SNRPN: variants seen among roughly 807,000 people sequenced by gnomAD.
SNRPN encodes the protein small nuclear ribonucleoprotein-associated protein N.
In SNRPN, 7 loss-of-function variants were observed where a neutral mutation model predicts 25.2. The observed-to-expected ratio is 0.28, with a 90% CI of 0.16 to 0.52. SNRPN has a LOEUF of 0.52. Ranked by LOEUF, SNRPN falls within the 20% of genes least tolerant of loss-of-function variation. SNRPN has a pLI of 0.96. For synonymous variants in SNRPN, 124 were observed against 110.6 expected (o/e 1.12, Z -0.76); for missense variants, 196 against 322.5 (o/e 0.61, Z 3.00).
intron 3 of SNRPN, among the ~76,000 whole-genome samples, chr15:24,932,011 G>A (rs1487724384): frequency 6.6e-6 from 1 of 151,954 alleles, no homozygotes; most frequent in Non-Finnish European, 1.5e-5. Flanking sequence ...TTGCTAACTG[G>A]TGCTGTTTGA....
chr15:24,860,034 A>G (rs190382583), intron 1 of SNRPN, among the ~76,000 whole-genome samples: 11 of 152,124 alleles, frequency 7.2e-5, no homozygotes, highest in Non-Finnish European at 1.0e-4. Flanking sequence ...AAATGCCTTA[A>G]CCATCTGGGA....
chr15:24,844,930 A>G (rs78704855), intron 2 of SNRPN, among the ~76,000 whole-genome samples: 4,567 of 152,300 alleles, frequency 0.03, 185 homozygotes, highest in African/African-American at 0.095. Flanking sequence ...TAGAAATTTT[A>G]TGTGTTAAGG....
At chr15:24,878,361 G>A (rs139641845) in intron 1 of SNRPN, among the ~76,000 whole-genome samples, 12 of 152,068 alleles carry the variant, frequency 7.9e-5, no homozygotes, top group African/African-American at 2.6e-4. Context: ...CCCGCAGTGC[G>A]CTACGGGAAG....
At chr15:24,948,099 T>TTTTTATTTTA (rs71127029) in intron 3 of SNRPN, among the ~76,000 whole-genome samples, 33 of 150,670 alleles carry the variant, frequency 2.2e-4, no homozygotes, top group East Asian at 6.0e-4. Flanking sequence ...CAATCTTCCT[T>TTTTTATTTTA]TTTTATTTTA....
intron 1 of SNRPN, among the ~76,000 whole-genome samples, chr15:24,856,980 A>G (rs1257642216): frequency 6.6e-6 from 1 of 152,194 alleles, no homozygotes; most frequent in Non-Finnish European, 1.5e-5. Context: ...TAGGAAAAGC[A>G]GATGTCACGC....
intron 1 of SNRPN, among the ~76,000 whole-genome samples, chr15:24,956,444 C>T (rs1184669773): frequency 1.3e-5 from 2 of 151,930 alleles, no homozygotes; most frequent in African/African-American, 4.8e-5. Context: ...GAGTTTCAGC[C>T]GTACCCTCTT....
At chr15:24,926,644 A>G (rs2060401184) in intron 3 of SNRPN, among the ~76,000 whole-genome samples, 1 of 152,044 alleles carries the variant, frequency 6.6e-6, no homozygotes, top group Admixed American at 6.6e-5. Flanking sequence ...TTTTTAACAA[A>G]TAGATGTATC....
chr15:24,854,381 A>T (rs1012173660), upstream of SNRPN, among the ~76,000 whole-genome samples: 2 of 152,240 alleles, frequency 1.3e-5, no homozygotes, highest in African/African-American at 4.8e-5. Context: ...TTTATATGTG[A>T]TCATGTAGAT....
intron 8 of SNRPN, 109 bp from the exon 9 acceptor site, chr15:24,978,084 T>C (rs974002115): frequency 1.3e-5 from 16 of 1,267,996 alleles, no homozygotes; most frequent in Non-Finnish European, 1.8e-5. Context: ...AGAAGTTATT[T>C]GACTCTATCA....
intron 2 of SNRPN, among the ~76,000 whole-genome samples, chr15:24,833,215 C>T (rs2050721483): frequency 6.7e-6 from 1 of 150,192 alleles, no homozygotes; most frequent in Admixed American, 6.6e-5. Flanking sequence ...GTTAGATGGT[C>T]ACAGAGCAGC....
intron 1 of SNRPN, among the ~76,000 whole-genome samples, chr15:24,958,045 G>T (rs2063203625): frequency 1.3e-5 from 2 of 152,050 alleles, no homozygotes; most frequent in Non-Finnish European, 2.9e-5. Flanking sequence ...CTAAGGCAGG[G>T]TACTAACTGA....
At chr15:24,898,364 C>T (rs1010719771) in intron 2 of SNRPN, among the ~76,000 whole-genome samples, 9 of 152,068 alleles carry the variant, frequency 5.9e-5, no homozygotes, top group Admixed American at 4.6e-4. Flanking sequence ...CCGAGGCAGG[C>T]GGATCACGAG....
chr15:24,957,957 T>C (rs571076146), intron 1 of SNRPN, among the ~76,000 whole-genome samples: 1 of 152,236 alleles, frequency 6.6e-6, no homozygotes, highest in South Asian at 2.1e-4. Flanking sequence ...GTGCTAGGGC[T>C]TTTTGGAGGC....
intron 3 of SNRPN, chr15:24,968,293 A>G (rs1223300042): frequency 2.5e-6 from 1 of 394,390 alleles, no homozygotes; most frequent in Non-Finnish European, 4.6e-6. Flanking sequence ...ATTGTAGCGC[A>G]TGCTTTTCAG....
chr15:24,864,585 C>T (rs565279887), intron 1 of SNRPN, among the ~76,000 whole-genome samples: 2 of 151,874 alleles, frequency 1.3e-5, no homozygotes, highest in Non-Finnish European at 2.9e-5. Context: ...CTCAGGTAAT[C>T]TGCCCACCTC....
At chr15:24,862,754 G>T (rs372402208) in intron 1 of SNRPN, among the ~76,000 whole-genome samples, 2 of 150,870 alleles carry the variant, frequency 1.3e-5, no homozygotes, top group Non-Finnish European at 2.9e-5. Flanking sequence ...GACAAGGGGG[G>T]CCTTCAGGAG....
chr15:24,956,304 C>T (rs1445966477), intron 1 of SNRPN, among the ~76,000 whole-genome samples: 1 of 146,744 alleles, frequency 6.8e-6, no homozygotes, highest in Non-Finnish European at 1.5e-5. Context: ...TGTGCAGCTC[C>T]TTCAAGATGG....
At chr15:24,936,369 G>T (rs939315459) in intron 3 of SNRPN, among the ~76,000 whole-genome samples, 1 of 152,136 alleles carries the variant, frequency 6.6e-6, no homozygotes, top group Admixed American at 6.6e-5. Context: ...AGGGATGGCG[G>T]TGCTGAACTG....
At chr15:24,959,746 T>G (rs1188659263) in intron 1 of SNRPN, among the ~76,000 whole-genome samples, 1 of 152,210 alleles carries the variant, frequency 6.6e-6, no homozygotes, top group Non-Finnish European at 1.5e-5. Flanking sequence ...GACATTCGTT[T>G]GGATATATCA....
Sources: allele counts gnomAD v4.1 joint callset (sites outside exome capture counted in the v4.1 genomes callset), GRCh38; gene constraint gnomAD v4.1.1; transcripts MANE v1.5; gene names NCBI Gene and HGNC (gene_info 2026-07-23, HGNC 2026-07-21).